The following ESCO1 variants were observed in gnomAD, a reference collection of about 807,000 sequenced individuals.
ESCO1 encodes the protein establishment of sister chromatid cohesion N-acetyltransferase 1.
Under a neutral mutation model 83.5 loss-of-function variants are expected in ESCO1, and 33 were observed. The observed-to-expected ratio is 0.40, with a 90% CI of 0.30 to 0.53. ESCO1 has a LOEUF of 0.53. Ranked by LOEUF, ESCO1 falls within the 20% of genes least tolerant of loss-of-function variation. The probability of loss-of-function intolerance (pLI) is 0.63; values close to 1 mark genes in which losing one functional copy is unlikely to be tolerated. For synonymous variants in ESCO1, 332 were observed against 324.3 expected (o/e 1.02, Z -0.25); for missense variants, 855 against 968.0 (o/e 0.88, Z 1.55).
At chr18:21,600,598 G>C (rs1033902476) in intron 1 of ESCO1, 25 bp downstream of exon 1, 1 of 152,468 alleles carries the variant, frequency 6.6e-6, no homozygotes, top group African/African-American at 2.4e-5. Flanking sequence ...ACAGGCGGCG[G>C]GGACCGTCAG....
intron 8 of ESCO1, among the ~76,000 whole-genome samples, chr18:21,548,531 G>A (rs1434514507): frequency 6.6e-6 from 1 of 151,940 alleles, no homozygotes; most frequent in East Asian, 1.9e-4. Context: ...GGGGGGTGGT[G>A]GATCATGCCT....
chr18:21,553,126 C>A (rs934801332), intron 8 of ESCO1, among the ~76,000 whole-genome samples: 1 of 152,002 alleles, frequency 6.6e-6, no homozygotes, highest in South Asian at 2.1e-4. Flanking sequence ...CTCAACTCTA[C>A]AAAAAATTAA....
chr18:21,544,463 C>CAA, intron 8 of ESCO1, among the ~76,000 whole-genome samples: 1 of 139,740 alleles, frequency 7.2e-6, no homozygotes, highest in African/African-American at 2.6e-5. Flanking sequence ...AAAAAAAAAA[C>CAA]AAAAAAAAAA....
intron 1 of ESCO1, among the ~76,000 whole-genome samples, chr18:21,589,756 C>T (rs1332014296): frequency 6.6e-6 from 1 of 152,140 alleles, no homozygotes; most frequent in African/African-American, 2.4e-5. Context: ...CAAAGTCTAC[C>T]GAGAACATCA....
At chr18:21,548,675 C>T (rs1179357505) in intron 8 of ESCO1, among the ~76,000 whole-genome samples, 2 of 151,876 alleles carry the variant, frequency 1.3e-5, no homozygotes, top group Non-Finnish European at 2.9e-5. Context: ...CATGGTAGCT[C>T]ACCCCTGTAA....
chr18:21,596,071 T>C (rs1458267044), intron 1 of ESCO1, among the ~76,000 whole-genome samples: 1 of 151,862 alleles, frequency 6.6e-6, no homozygotes, highest in African/African-American at 2.4e-5. Flanking sequence ...TTAAATTTAA[T>C]CCTCTCCAAC....
At chr18:21,561,142 C>T in intron 7 of ESCO1, 152 bp from the exon 8 acceptor site, 1 of 707,676 alleles carries the variant, frequency 1.4e-6, no homozygotes, top group Non-Finnish European at 2.0e-6. Context: ...ACACGTTAAT[C>T]TGAAATCTGC....
Position 21,529,728 on chromosome 18 carries a change from A to G in ESCO1, c.*615T>C, listed in dbSNP as rs889774873. 9.2e-5 allele frequency: 14 copies of G among 152,214 alleles called. No individual in the cohort carries two copies. The highest frequency in any genetic ancestry group is 2.1e-4 in the Non-Finnish European group (14 of 68,036). The allele number at this position is 152,214 out of a possible 1,614,324, so 9.4% of individuals were successfully genotyped here. On this transcript the variant is annotated 3_prime_UTR_variant, in exon 12 of 12. Coordinates refer to ENST00000269214, the MANE Select transcript of ESCO1 (RefSeq NM_052911.3). ...TCTACTTCCTCCTTCCATCAAAGAT[A>G]GGAAAGAGAAAAATCAGGAAAAAAA...
intron 4 of ESCO1, among the ~76,000 whole-genome samples, chr18:21,572,712 C>A (rs975960529): frequency 1.3e-5 from 2 of 152,088 alleles, no homozygotes; most frequent in African/African-American, 4.8e-5. Context: ...CGCCTGTAAT[C>A]CCAGCACTTT....
intron 6 of ESCO1, among the ~76,000 whole-genome samples, chr18:21,565,061 C>T (rs1163384581): frequency 1.3e-5 from 2 of 151,544 alleles, no homozygotes; most frequent in Middle Eastern, 3.4e-3. Flanking sequence ...GGCGACAGAG[C>T]GAGACTCCGT....
chr18:21,556,830 A>C (rs917047511), intron 8 of ESCO1, among the ~76,000 whole-genome samples: 6 of 152,044 alleles, frequency 3.9e-5, no homozygotes, highest in Admixed American at 1.3e-4. Flanking sequence ...CCTCCTGAGT[A>C]GCTGGGATTA....
intron 9 of ESCO1, among the ~76,000 whole-genome samples, chr18:21,538,733 T>C (rs921355482): frequency 6.6e-6 from 1 of 152,128 alleles, no homozygotes; most frequent in African/African-American, 2.4e-5. Context: ...TAATAAACTG[T>C]TTTCCTCCTG....
At chr18:21,560,211 A>G (rs960315946) in intron 8 of ESCO1, among the ~76,000 whole-genome samples, 3 of 152,102 alleles carry the variant, frequency 2.0e-5, no homozygotes, top group African/African-American at 7.2e-5. Flanking sequence ...AAATGGTTCA[A>G]TATTGCTAAA....
chr18:21,555,766 C>T lies in ESCO1; in HGVS notation c.1953+5093G>A, dbSNP rs988878047. ...GCAGTAAGCCATGATTGTGCCACTG[C>T]ACTACACCCTAGGTGACAGAGCGAG... On this transcript the variant is annotated intron_variant, in intron 8 of 11. Transcript: ENST00000269214. Among the ~76,000 whole-genome samples, 8 of 152,166 alleles carry T rather than the reference C, an allele frequency of 5.3e-5. No individual in the cohort carries two copies. The East Asian group carries it at 5.8e-4, about 11-fold the overall frequency.
intron 10 of ESCO1, among the ~76,000 whole-genome samples, chr18:21,535,217 AT>A (rs71178182): frequency 2.0e-3 from 285 of 142,352 alleles, no homozygotes; most frequent in Non-Finnish European, 1.8e-3. Flanking sequence ...TAGTATTCTG[AT>A]TTTTTTTTTT....
intron 8 of ESCO1, among the ~76,000 whole-genome samples, chr18:21,545,487 C>T (rs1034311050): frequency 4.6e-5 from 7 of 151,432 alleles, no homozygotes; most frequent in Admixed American, 2.0e-4. Flanking sequence ...GCAGGAGAAT[C>T]CCCTGAACCT....
At chr18:21,577,138 T>G (rs2038429454) in intron 2 of ESCO1, among the ~76,000 whole-genome samples, 1 of 151,532 alleles carries the variant, frequency 6.6e-6, no homozygotes, top group Non-Finnish European at 1.5e-5. Flanking sequence ...GCGAATCACT[T>G]GTGGCCAGGA....
intron 8 of ESCO1, among the ~76,000 whole-genome samples, chr18:21,550,356 A>ATC (rs1211204206): frequency 6.6e-6 from 1 of 152,240 alleles, no homozygotes; most frequent in Non-Finnish European, 1.5e-5. Context: ...CTACTATAAC[A>ATC]TCTAAACCTT....
intron 8 of ESCO1, 113 bp from the exon 9 acceptor site, chr18:21,540,122 C>G: frequency 1.0e-6 from 1 of 987,606 alleles, no homozygotes; most frequent in Non-Finnish European, 1.5e-6. Flanking sequence ...CTAAAAATTG[C>G]AAACATGAAA....
Sources: gnomAD v4.1 joint callset for allele counts (sites outside exome capture counted in the v4.1 genomes callset) on GRCh38, gnomAD v4.1.1 for gene constraint, MANE v1.5 for transcripts, NCBI Gene and HGNC (gene_info 2026-07-23, HGNC 2026-07-21) for gene names.